COL5A2: variants seen among roughly 807,000 people sequenced by gnomAD.
COL5A2 encodes the protein collagen alpha-2(V) chain.
COL5A2 carries 23 observed loss-of-function variants against 208.2 expected under a neutral mutation model. The ratio of observed to expected loss-of-function variants is 0.11; its 90% confidence interval spans 0.08 to 0.16. The LOEUF is 0.16. COL5A2 is among the 10% of genes least tolerant of loss of function. The probability of loss-of-function intolerance (pLI) is 1.00; values close to 1 mark genes in which losing one functional copy is unlikely to be tolerated. For missense variants in COL5A2, 1,590 were observed against 1,956.4 expected, an observed-to-expected ratio of 0.81 and a Z score of 3.53; for synonymous variants, 625 against 628.5, an observed-to-expected ratio of 0.99 and a Z score of 0.08.
Position 189,081,026 on chromosome 2 carries a change from A to G in COL5A2, c.870T>C (p.Pro290=), listed in dbSNP as rs139656817. ...FAGSPGARGF[P]GAPGLPGLKG... is the part of the protein sequence containing the mutation. ...TCAGACCTGGAAGACCAGGAGCCCC[A>G]GGAAATCCACGAGCTCCCTGGGAGG... The change falls in exon 13 of 54, where the codon CCT becomes CCC. Residue 290 remains proline, a synonymous_variant. Transcript: ENST00000374866. 131 of 1,613,422 alleles carry G rather than the reference A, an allele frequency of 8.1e-5. No homozygotes were observed. Among genetic ancestry groups the G allele is most frequent in the Non-Finnish European group, 1.0e-4 (123 of 1,179,550 alleles).
chr2:189,208,347 GAACA>G (rs778994729), intron 1 of COL5A2, among the ~76,000 whole-genome samples: 6 of 152,142 alleles, frequency 3.9e-5, no homozygotes, highest in Non-Finnish European at 8.8e-5. Context: ...TTGAATGAAT[GAACA>G]AACAATCTAT....
chr2:189,351,873 T>C, the COL5A2 span, among the ~76,000 whole-genome samples: 3 of 152,248 alleles, frequency 2.0e-5, no homozygotes, highest in Admixed American at 6.5e-5. Flanking sequence ...GTTTGTTACA[T>C]AGGTATACAC....
In COL5A2 at chr2:189,172,832, C is replaced by T. The variant is rs371904010; in HGVS notation, c.97+6676G>A. Among the ~76,000 whole-genome samples the T allele has an allele frequency of 3.6e-4, 54 of 151,254 alleles. 1 individual carries two copies. The highest frequency in any genetic ancestry group is 1.1e-3 in the African/African-American group (44 of 41,276). On this transcript the variant is annotated intron_variant, in intron 1 of 53. Transcript: ENST00000374866. ...GGTACAAAACTGTGAGACTGTCTTT[C>T]CTCCTTCTTAATCCTAAACTTAAAA...
In COL5A2 at chr2:189,098,714, A is replaced by T; in HGVS notation, c.402+13T>A. 1.2e-6 allele frequency: 2 copies of T among 1,606,076 alleles called. No homozygotes were observed. Among genetic ancestry groups the T allele is most frequent in the Non-Finnish European group, 1.7e-6 (2 of 1,172,762 alleles). On this transcript the variant is annotated intron_variant, in intron 5 of 53. Coordinates refer to ENST00000374866, the MANE Select transcript of COL5A2 (RefSeq NM_000393.5). ...ATACAAGAGTACCAAGAATATTGGGAGAAACTACTTACTGCCGGTCCTGGA... is the reference window on the plus strand; with the variant it reads ...ATACAAGAGTACCAAGAATATTGGGTGAAACTACTTACTGCCGGTCCTGGA...
At chr2:189,215,929 C>G (rs1689273208) in intron 1 of COL5A2, among the ~76,000 whole-genome samples, 1 of 152,106 alleles carries the variant, frequency 6.6e-6, no homozygotes, top group African/African-American at 2.4e-5. Context: ...ACTAGCACAG[C>G]AAAAATGGTT....
chr2:189,271,967 CTTACGTT>C, the COL5A2 span, among the ~76,000 whole-genome samples: 1 of 152,174 alleles, frequency 6.6e-6, no homozygotes, highest in Non-Finnish European at 1.5e-5. Flanking sequence ...GAGATACCAT[CTTACGTT>C]AGTTAGAATG....
At chr2:189,258,357 C>T in the COL5A2 span, among the ~76,000 whole-genome samples, 1 of 152,256 alleles carries the variant, frequency 6.6e-6, no homozygotes, top group East Asian at 1.9e-4. Flanking sequence ...AACATTGCAG[C>T]TGACAATTAC....
intron 1 of COL5A2, among the ~76,000 whole-genome samples, chr2:189,211,732 G>A (rs139167954): frequency 1.3e-5 from 2 of 152,104 alleles, no homozygotes; most frequent in African/African-American, 2.4e-5. Context: ...AAATACTCAG[G>A]GGGGAGGGAG....
chr2:189,035,012 G>A lies in COL5A2; in HGVS notation c.4257C>T (p.Leu1419=). 1 of 1,613,822 alleles carries A rather than the reference G, an allele frequency of 6.2e-7. No individual in the cohort carries two copies. The highest frequency in any genetic ancestry group is 8.5e-7 in the Non-Finnish European group (1 of 1,179,864). Reference sequence around the variant, plus strand: ...CCCCTTTGAGAACCACAGCTTTTTTGAGGTTCTTAGCTTGATCGTCCATGT... The same window carrying A: ...CCCCTTTGAGAACCACAGCTTTTTTAAGGTTCTTAGCTTGATCGTCCATGT... ...VGYMDDQAKN[L]KKAVVLKGAN... The change falls in exon 53 of 54, where the codon CTC becomes CTT. Residue 1419 remains leucine, a synonymous_variant. Coordinates refer to ENST00000374866, the MANE Select transcript of COL5A2 (RefSeq NM_000393.5).
Position 189,109,077 on chromosome 2 carries a change from C to T in COL5A2, c.322+1148G>A, listed in dbSNP as rs180896211. Among the ~76,000 whole-genome samples, 188 of 151,760 alleles carry T rather than the reference C, an allele frequency of 1.2e-3. 1 individual carries two copies. The highest frequency in any genetic ancestry group is 2.0e-3 in the Non-Finnish European group (139 of 67,862). ...TCTCGTAAATTTAGCTGAACTCAAC[C>T]ACTTTTTATCTTATGGCATCTGTGC... On this transcript the variant is annotated intron_variant, in intron 2 of 53. Transcript: ENST00000374866.
the COL5A2 span, among the ~76,000 whole-genome samples, chr2:189,288,845 G>A: frequency 6.6e-6 from 1 of 152,044 alleles, no homozygotes; most frequent in Non-Finnish European, 1.5e-5. Flanking sequence ...GCATGTTAAA[G>A]GGATCATTCA....
chr2:189,272,668 A>G, the COL5A2 span, among the ~76,000 whole-genome samples: 1 of 151,828 alleles, frequency 6.6e-6, no homozygotes, highest in South Asian at 2.1e-4. Flanking sequence ...AATTTTTTTA[A>G]AAAAAATCTC....
At chr2:189,139,689 T>C (rs1450165023) in intron 1 of COL5A2, among the ~76,000 whole-genome samples, 1 of 152,236 alleles carries the variant, frequency 6.6e-6, no homozygotes, top group Non-Finnish European at 1.5e-5. Context: ...AGAGGGAAAA[T>C]TGGGTCTAGA....
rs1687900629 is a variant in COL5A2 at position 189,139,772 on chromosome 2, T to C, written c.98-29323A>G. 2.0e-5 allele frequency among the ~76,000 whole-genome samples: 3 copies of C among 152,206 alleles called. No homozygotes were observed. In the South Asian group the frequency reaches 6.2e-4, roughly 31 times the overall value. On this transcript the variant is annotated intron_variant, in intron 1 of 53. Coordinates refer to ENST00000374866, the MANE Select transcript of COL5A2 (RefSeq NM_000393.5). ...AAAACTTCTAAAATTAGAAAGTATA[T>C]TTTAAAAGTGACCAGATGTTGGCTG...
At chr2:189,331,382 A>G in the COL5A2 span, among the ~76,000 whole-genome samples, 1 of 152,190 alleles carries the variant, frequency 6.6e-6, no homozygotes, top group African/African-American at 2.4e-5. Context: ...ATAAAAAATT[A>G]GCCAGGCATG....
At chr2:189,361,643 C>A in the COL5A2 span, among the ~76,000 whole-genome samples, 1 of 151,622 alleles carries the variant, frequency 6.6e-6, no homozygotes. Context: ...TTTACTATTG[C>A]CATTTTATTA....
chr2:189,111,539 T>C (rs1005133084), intron 1 of COL5A2, among the ~76,000 whole-genome samples: 1 of 151,982 alleles, frequency 6.6e-6, no homozygotes, highest in Non-Finnish European at 1.5e-5. Context: ...CATTACTTAC[T>C]TCAATGTCAT....
chr2:189,438,778 A>C, the COL5A2 span, among the ~76,000 whole-genome samples: 2 of 152,328 alleles, frequency 1.3e-5, no homozygotes, highest in East Asian at 3.9e-4. Context: ...GATATCAAAG[A>C]AAGCAGATTT....
In COL5A2 at chr2:189,039,497, C is replaced by T. The variant is rs1685513807; in HGVS notation, c.3700G>A (p.Gly1234Arg). The T allele has an allele frequency of 6.2e-7, 1 of 1,613,948 alleles. No individual in the cohort carries two copies. The highest frequency in any genetic ancestry group is 1.3e-5 in the African/African-American group (1 of 74,910). ...GPPGHLTAAL[G>R]DIMGHYDESM... The stretch of plus-strand genomic sequence containing the variant: ...TCATCATAGTGCCCCATGATATCCC[C>T]AAGAGCAGCTGTAAGGTGGCCAGGG... The change falls in exon 51 of 54, where the codon GGG becomes AGG. Residue 1234 changes from glycine (G) to arginine (R), a missense_variant. By Grantham distance (125) the Gly-to-Arg change is moderately radical. Coordinates refer to ENST00000374866, the MANE Select transcript of COL5A2 (RefSeq NM_000393.5).
Sources: gnomAD v4.1 joint callset for allele counts (sites outside exome capture counted in the v4.1 genomes callset) on GRCh38, gnomAD v4.1.1 for gene constraint, MANE v1.5 for transcripts, NCBI Gene and HGNC (gene_info 2026-07-23, HGNC 2026-07-21) for gene names.